Variants in B3GALT1 observed in about 807,000 individuals in gnomAD.
The protein encoded by B3GALT1 is UDP-Gal:betaGlcNAc beta 1,3-galactosyltransferase, polypeptide 1.
Under a neutral mutation model 23.2 loss-of-function variants are expected in B3GALT1, and 10 were observed. The ratio of observed to expected loss-of-function variants is 0.43; its 90% CI spans 0.27 to 0.73. The LOEUF (loss-of-function observed/expected upper bound fraction) is 0.73, where lower values mean the gene tolerates loss of function less well. B3GALT1 is among the 30% of genes least tolerant of loss of function. B3GALT1 has a pLI of 0.21. For synonymous variants in B3GALT1, 156 were observed against 141.5 expected, an observed-to-expected ratio of 1.10 and a Z score of -0.73; for missense variants, 299 against 405.4, an observed-to-expected ratio of 0.74 and a Z score of 2.25.
intron 2 of B3GALT1, among the ~76,000 whole-genome samples, chr2:167,626,383 C>A (rs1471881140): frequency 2.6e-5 from 4 of 151,544 alleles, no homozygotes; most frequent in African/African-American, 9.7e-5. Flanking sequence ...AATGTATTTA[C>A]TCATTTGCTC....
In B3GALT1 at chr2:167,861,867, C is replaced by T. The variant is rs1408974778; in HGVS notation, c.-229-6944C>T. On this transcript the variant is annotated intron_variant, in intron 4 of 4. Transcript: ENST00000392690. The stretch of plus-strand genomic sequence containing the variant: ...ATTTTTCAGATGTCTTACCAGCTCA[C>T]TGCCTGGCACCTAGTAGTATTCAGT... Among the ~76,000 whole-genome samples, 4 of 152,208 alleles carry T rather than the reference C, an allele frequency of 2.6e-5. No homozygotes were observed. The South Asian group carries it at 8.3e-4, about 31-fold the overall frequency.
At chr2:167,834,113 A>C (rs1172266332) in intron 4 of B3GALT1, among the ~76,000 whole-genome samples, 1 of 152,200 alleles carries the variant, frequency 6.6e-6, no homozygotes, top group Non-Finnish European at 1.5e-5. Context: ...AACAGTCTTT[A>C]ACAAAAGGCA....
At chr2:167,496,500 G>C (rs1408783869) in intron 2 of B3GALT1, among the ~76,000 whole-genome samples, 1 of 152,190 alleles carries the variant, frequency 6.6e-6, no homozygotes, top group Non-Finnish European at 1.5e-5. Context: ...AGTGAAAAGA[G>C]AAAGAAGGTA....
chr2:167,685,686 A>C (rs57448892), intron 3 of B3GALT1, among the ~76,000 whole-genome samples: 11,134 of 152,222 alleles, frequency 0.073, 614 homozygotes, highest in East Asian at 0.18. Context: ...GCCAGGTCTT[A>C]TAAGGCTTTG....
At chr2:167,438,988 C>T (rs1698834354) in intron 1 of B3GALT1, among the ~76,000 whole-genome samples, 1 of 152,204 alleles carries the variant, frequency 6.6e-6, no homozygotes. Context: ...GAGAGATGGG[C>T]TCTGCCTGAC....
intron 1 of B3GALT1, among the ~76,000 whole-genome samples, chr2:167,324,532 A>T (rs1696862395): frequency 6.6e-6 from 1 of 151,880 alleles, no homozygotes; most frequent in African/African-American, 2.4e-5. Flanking sequence ...TTGTTTAGAA[A>T]TTTTCTGTGG....
At chr2:167,687,012 T>C (rs913595148) in intron 3 of B3GALT1, among the ~76,000 whole-genome samples, 1 of 152,242 alleles carries the variant, frequency 6.6e-6, no homozygotes. Flanking sequence ...CTTTTCAATA[T>C]TCTGCCGTGG....
chr2:167,816,462 G>T (rs1482552499), intron 3 of B3GALT1, among the ~76,000 whole-genome samples: 4 of 151,358 alleles, frequency 2.6e-5, no homozygotes, highest in Non-Finnish European at 4.4e-5. Flanking sequence ...TTTGGCCCTG[G>T]TTTGGTTATT....
At chr2:167,355,593 A>G (rs944048647) in intron 1 of B3GALT1, among the ~76,000 whole-genome samples, 5 of 152,318 alleles carry the variant, frequency 3.3e-5, no homozygotes, top group African/African-American at 1.2e-4. Context: ...TCCTAGATTT[A>G]TTGTTCAGTA....
intron 3 of B3GALT1, among the ~76,000 whole-genome samples, chr2:167,716,559 G>A (rs1438231410): frequency 3.3e-5 from 5 of 151,912 alleles, no homozygotes; most frequent in Non-Finnish European, 7.4e-5. Context: ...GCCCTGTATT[G>A]GTAAATTTCA....
At chr2:167,862,835 C>G (rs186957292) in intron 4 of B3GALT1, 1 of 152,316 alleles carries the variant, frequency 6.6e-6, no homozygotes, top group East Asian at 1.9e-4. Flanking sequence ...ATTGAAAATT[C>G]TGCCCCACTA....
intron 3 of B3GALT1, among the ~76,000 whole-genome samples, chr2:167,775,264 G>A (rs1451872988): frequency 3.9e-5 from 6 of 152,046 alleles, no homozygotes; most frequent in Non-Finnish European, 8.8e-5. Context: ...TGCAATAAAA[G>A]GTGTGTTTAA....
At chr2:167,676,669 C>T (rs1686433085) in intron 3 of B3GALT1, among the ~76,000 whole-genome samples, 1 of 152,052 alleles carries the variant, frequency 6.6e-6, no homozygotes. Flanking sequence ...TCAAATGATC[C>T]TCCTGTCCCA....
At chr2:167,453,429 G>A (rs1342853116) in intron 1 of B3GALT1, among the ~76,000 whole-genome samples, 1 of 151,940 alleles carries the variant, frequency 6.6e-6, no homozygotes, top group Non-Finnish European at 1.5e-5. Context: ...ATTTGTTTTA[G>A]TGTCAATTAG....
chr2:167,820,442 A>AGGATCTATGGCACTT (rs1423223468), intron 4 of B3GALT1, among the ~76,000 whole-genome samples: 1 of 152,110 alleles, frequency 6.6e-6, no homozygotes, highest in African/African-American at 2.4e-5. Flanking sequence ...GTGAGTAGAA[A>AGGATCTATGGCACTT]GGATCTATGG....
At chr2:167,637,069 A>G (rs1460894371) in intron 2 of B3GALT1, among the ~76,000 whole-genome samples, 1 of 151,968 alleles carries the variant, frequency 6.6e-6, no homozygotes, top group Non-Finnish European at 1.5e-5. Flanking sequence ...GTTAGTGCCC[A>G]TGCTATTCCA....
At chr2:167,442,665 C>T (rs1167794385) in intron 1 of B3GALT1, among the ~76,000 whole-genome samples, 1 of 150,550 alleles carries the variant, frequency 6.6e-6, no homozygotes, top group Admixed American at 6.6e-5. Context: ...TTTTTGGCTG[C>T]ATAAATGTCT....
intron 1 of B3GALT1, among the ~76,000 whole-genome samples, chr2:167,368,601 T>C (rs1010360889): frequency 6.6e-6 from 1 of 152,186 alleles, no homozygotes; most frequent in African/African-American, 2.4e-5. Context: ...CATTTTGTAG[T>C]TTTGCGTAGG....
intron 3 of B3GALT1, among the ~76,000 whole-genome samples, chr2:167,667,238 G>A (rs1686215714): frequency 6.6e-6 from 1 of 152,004 alleles, no homozygotes; most frequent in African/African-American, 2.4e-5. Context: ...GTGAAATTCT[G>A]GGTTGAAAAT....
Sources: allele counts gnomAD v4.1 joint callset (sites outside exome capture counted in the v4.1 genomes callset), GRCh38; gene constraint gnomAD v4.1.1; transcripts MANE v1.5; gene names NCBI Gene and HGNC (gene_info 2026-07-23, HGNC 2026-07-21).